Variants in LNX2 observed in about 807,000 individuals in gnomAD.
LNX2 encodes ligand of numb-protein X 2.
LNX2 carries 35 observed loss-of-function variants against 66.2 expected under a neutral mutation model. That is an observed-to-expected ratio of 0.53 (90% confidence interval 0.40 to 0.70). The LOEUF (loss-of-function observed/expected upper bound fraction) is 0.70, where lower values mean the gene tolerates loss of function less well. LNX2 is among the 30% of genes least tolerant of loss of function. The pLI is 0.00. For missense variants in LNX2, 791 were observed against 850.8 expected (o/e 0.93, Z 0.87); for synonymous variants, 337 against 315.6 (o/e 1.07, Z -0.72).
At chr13:27,598,357 G>A (rs1239978441) in intron 1 of LNX2, among the ~76,000 whole-genome samples, 1 of 152,040 alleles carries the variant, frequency 6.6e-6, no homozygotes, top group Non-Finnish European at 1.5e-5. Context: ...CACAGGACAA[G>A]GACAGAATAT....
At chr13:27,567,973 T>TAA in intron 3 of LNX2, 134 bp from the exon 4 acceptor site, 1 of 735,668 alleles carries the variant, frequency 1.4e-6, no homozygotes, top group Non-Finnish European at 2.3e-6. Flanking sequence ...TATCACTGGA[T>TAA]AAGAAACAAA....
chr13:27,591,405 C>T (rs538870789), intron 1 of LNX2, among the ~76,000 whole-genome samples: 1 of 152,310 alleles, frequency 6.6e-6, no homozygotes, highest in Non-Finnish European at 1.5e-5. Context: ...ATCAACAATG[C>T]ACCTCCAATT....
Position 27,611,048 on chromosome 13 carries a change from G to A in LNX2, c.-101+9327C>T, listed in dbSNP as rs151099482. Among the ~76,000 whole-genome samples the A allele has an allele frequency of 1.2e-3, 178 of 152,292 alleles. 1 individual carries two copies. The highest frequency in any genetic ancestry group is 3.3e-3 in the Admixed American group (51 of 15,300). ...ACAAGTGCAACCGCAATGAAAAACCGTATGGAGGTTCCTCAAAAAGTTCGA... is the reference window on the plus strand; with the variant it reads ...ACAAGTGCAACCGCAATGAAAAACCATATGGAGGTTCCTCAAAAAGTTCGA... On this transcript the variant is annotated intron_variant, in intron 1 of 9. Transcript: ENST00000316334.
rs1217276759 is a variant in LNX2, at chr13:27,546,907, T to C, written c.*1428A>G. 6.6e-6 allele frequency: 1 copy of C among 152,156 alleles called. No homozygotes were observed. Among genetic ancestry groups the C allele is most frequent in the Non-Finnish European group, 1.5e-5 (1 of 67,978 alleles). 9.4% of individuals were successfully genotyped at this position (152,156 alleles called of 1,614,324 possible). A position where few individuals can be genotyped will look rare whatever the true frequency, so the allele number is the denominator to read the frequency against. ...ACAAAAAATGGGCTAGTCATAATTTTCAAAAACATTTCAAAAAATATGAAA... is the reference window on the plus strand; with the variant it reads ...ACAAAAAATGGGCTAGTCATAATTTCCAAAAACATTTCAAAAAATATGAAA... On this transcript the variant is annotated 3_prime_UTR_variant, in exon 10 of 10. Transcript: ENST00000316334.
At position 27,562,726 on chromosome 13, in the gene LNX2, G is replaced by A; in HGVS notation, c.911C>T (p.Ser304Phe). The change falls in exon 5 of 10, where the codon TCC (serine) becomes TTC (phenylalanine). Residue 304 changes from serine (S) to phenylalanine (F), a missense_variant. Physicochemically the swap from Ser to Phe is radical, Grantham distance 155 (BLOSUM62 -2). Coordinates refer to ENST00000316334, the MANE Select transcript of LNX2 (RefSeq NM_153371.4). ...VSHNYARAVL[S>F]QPCNTLHLTV... ...AAGATGCAGTGTGTTGCAGGGCTGG[G>A]AAAGGACAGCTCGGGCATAGTTATG... The A allele has an allele frequency of 6.2e-7, 1 of 1,614,126 alleles. No individual in the cohort carries two copies. The highest frequency in any genetic ancestry group is 8.5e-7 in the Non-Finnish European group (1 of 1,179,998).
chr13:27,550,562 C>A, intron 8 of LNX2, 71 bp from the exon 9 acceptor site: 2 of 1,135,218 alleles, frequency 1.8e-6, no homozygotes, highest in Non-Finnish European at 2.5e-6. Context: ...TTTGTTATAA[C>A]CCCATACCAT....
rs1593240790 is a variant in LNX2 at position 27,559,909 on chromosome 13, C to T, written c.1301G>A (p.Gly434Glu). 3.7e-6 allele frequency: 6 copies of T among 1,611,630 alleles called. No individual in the cohort carries two copies. The highest frequency in any genetic ancestry group is 5.1e-6 in the Non-Finnish European group (6 of 1,178,396). Residue 434 changes from glycine to glutamate, a missense_variant, in exon 6 of 10, where the codon GGA becomes GAA. Gly to Glu is a moderately conservative substitution (Grantham distance 98, BLOSUM62 -2). Coordinates refer to ENST00000316334, the MANE Select transcript of LNX2 (RefSeq NM_153371.4). ...PQPGNTIREA[G>E]NHSSSSQHHT... ...GTGCTGGCTGCTGCTGCTATGATTT[C>T]CTGCTTCTCTAATGGTGTTACCAGG...
chr13:27,614,067 G>A (rs539182036), intron 1 of LNX2, among the ~76,000 whole-genome samples: 3 of 152,334 alleles, frequency 2.0e-5, no homozygotes, highest in South Asian at 2.1e-4. Context: ...TAGCTTTCAA[G>A]CTGCCCTTAA....
intron 4 of LNX2, 33 bp from the exon 5 acceptor site, chr13:27,562,814 A>G: frequency 6.3e-7 from 1 of 1,574,846 alleles, no homozygotes; most frequent in Non-Finnish European, 8.6e-7. Flanking sequence ...GAAGTGTGAC[A>G]ACCTTTTATT....
intron 1 of LNX2, among the ~76,000 whole-genome samples, chr13:27,618,833 T>G (rs577566): frequency 0.5 from 76,512 of 152,086 alleles, 20,382 homozygotes; most frequent in South Asian, 0.61. Flanking sequence ...GTGGCCTGCG[T>G]GCTACGTGCC....
intron 5 of LNX2, 88 bp from the exon 6 acceptor site, chr13:27,560,073 C>CTAT: frequency 1.6e-6 from 2 of 1,220,734 alleles, no homozygotes; most frequent in Non-Finnish European, 2.2e-6. Flanking sequence ...CAATGAACTT[C>CTAT]TTAATCACTG....
chr13:27,591,806 G>C (rs1157149069), intron 1 of LNX2, among the ~76,000 whole-genome samples: 1 of 152,216 alleles, frequency 6.6e-6, no homozygotes, highest in African/African-American at 2.4e-5. Flanking sequence ...GCAAAGGAAA[G>C]CAAGGCAGGG....
intron 1 of LNX2, among the ~76,000 whole-genome samples, chr13:27,598,639 CTG>C (rs10541072): frequency 0.6 from 90,497 of 151,700 alleles, 28,805 homozygotes; most frequent in African/African-American, 0.83. Flanking sequence ...AATGAGGAAA[CTG>C]AGAGTAAGGC....
At chr13:27,585,039 G>C (rs1198499830) in intron 1 of LNX2, among the ~76,000 whole-genome samples, 1 of 151,142 alleles carries the variant, frequency 6.6e-6, no homozygotes, top group African/African-American at 2.4e-5. Flanking sequence ...AATCACTTGA[G>C]CCTAGGAGGC....
chr13:27,580,484 A>G (rs76659392), intron 2 of LNX2, among the ~76,000 whole-genome samples: 435 of 152,244 alleles, frequency 2.9e-3, no homozygotes, highest in African/African-American at 9.7e-3. Context: ...GAAATTAGAA[A>G]CCAGTATTTA....
intron 2 of LNX2, among the ~76,000 whole-genome samples, chr13:27,579,230 T>G (rs1275918596): frequency 6.6e-6 from 1 of 152,212 alleles, no homozygotes; most frequent in Admixed American, 6.5e-5. Context: ...ATGTTCTTAT[T>G]TAAGAGAACA....
Position 27,620,473 on chromosome 13 carries a change from G to A in LNX2, c.-199C>T, listed in dbSNP as rs958090290. The A allele has an allele frequency of 3.6e-5, 6 of 168,412 alleles. No individual in the cohort carries two copies. In the South Asian group the frequency reaches 7.7e-4, roughly 22 times the overall value. The allele number at this position is 168,412 out of a possible 1,614,324, so 10.4% of individuals were successfully genotyped here. A position where few individuals can be genotyped will look rare whatever the true frequency, so the allele number is the denominator to read the frequency against. ...GGCCCGCTGAGGGAGCGGAGAGCCT[G>A]CCCGGCTCCGCTCCGCCAGGAATCG... On this transcript the variant is annotated 5_prime_UTR_variant, in exon 1 of 10. Coordinates refer to ENST00000316334, the MANE Select transcript of LNX2 (RefSeq NM_153371.4).
At chr13:27,583,239 T>TGCGC (rs1955435427) in intron 1 of LNX2, among the ~76,000 whole-genome samples, 2 of 17,692 alleles carry the variant, frequency 1.1e-4, no homozygotes, top group Admixed American at 6.1e-4. Flanking sequence ...TGTGTGTGTG[T>TGCGC]GTGTGTGTGT....
chr13:27,562,646 T>TA lies in LNX2; in HGVS notation c.990dup (p.Asn331Ter). On this transcript the variant is annotated frameshift_variant, in exon 5 of 10. Coordinates refer to ENST00000316334, the MANE Select transcript of LNX2 (RefSeq NM_153371.4). LOFTEE classifies it high-confidence loss of function. ...TGGAAAATCTCTTCTCGTGGAGAGT[T>TA]ACTATCAGAATGGTTGTGTGCTCGG... is the stretch of plus-strand genomic sequence containing the variant. 2 of 1,614,212 alleles carry TA rather than the reference T, an allele frequency of 1.2e-6. No individual in the cohort carries two copies. The highest frequency in any genetic ancestry group is 1.7e-6 in the Non-Finnish European group (2 of 1,180,030).
Sources: allele counts gnomAD v4.1 joint callset (sites outside exome capture counted in the v4.1 genomes callset), GRCh38; gene constraint gnomAD v4.1.1; transcripts MANE v1.5; gene names NCBI Gene and HGNC (gene_info 2026-07-23, HGNC 2026-07-21).